DAG1: variants seen among roughly 807,000 people sequenced by gnomAD.
DAG1 encodes the protein dystroglycan 1 (dystrophin-associated glycoprotein 1).
A neutral mutation model predicts 46.1 loss-of-function variants in DAG1; 8 were observed. The observed-to-expected ratio is 0.17, with a 90% CI of 0.10 to 0.31. DAG1 has a LOEUF of 0.31. Among genes scored for constraint, DAG1 ranks in the 10% least tolerant of loss-of-function variants. DAG1 has a pLI of 1.00. For synonymous variants in DAG1, 495 were observed against 481.8 expected (o/e 1.03, Z -0.36); for missense variants, 1,003 against 1,189.9 (o/e 0.84, Z 2.31).
At chr3:49,483,168 T>A (rs1416738478) in intron 1 of DAG1, among the ~76,000 whole-genome samples, 1 of 152,004 alleles carries the variant, frequency 6.6e-6, no homozygotes, top group Non-Finnish European at 1.5e-5. Flanking sequence ...GTAAATGTCC[T>A]GTAAACACTC....
intron 1 of DAG1, among the ~76,000 whole-genome samples, chr3:49,485,129 G>A (rs959110247): frequency 1.3e-5 from 2 of 151,934 alleles, no homozygotes; most frequent in African/African-American, 4.8e-5. Flanking sequence ...TGGGACTACA[G>A]GCATCTGCCA....
chr3:49,511,934 A>G (rs1373111758), intron 2 of DAG1, among the ~76,000 whole-genome samples: 1 of 152,238 alleles, frequency 6.6e-6, no homozygotes, highest in Admixed American at 6.5e-5. Context: ...ATAAAACTTT[A>G]CGGTGGATAC....
chr3:49,480,263 ATTTCT>A (rs1247243619), intron 1 of DAG1, among the ~76,000 whole-genome samples: 5 of 101,726 alleles, frequency 4.9e-5, no homozygotes, highest in African/African-American at 1.8e-4. Context: ...TGAATATAAC[ATTTCT>A]TTTTTTTTTT....
chr3:49,478,040 G>T lies in DAG1; in HGVS notation c.-117+7607G>T, dbSNP rs1261392844. On this transcript the variant is annotated intron_variant, in intron 1 of 2. Transcript: ENST00000308775. Reference sequence around the variant, plus strand: ...CCAGCACTTTGGGAGGCCGAGGCGGGTACATCATTTTAGGTCAGGAGTCCA... The same window carrying T: ...CCAGCACTTTGGGAGGCCGAGGCGGTTACATCATTTTAGGTCAGGAGTCCA... Among the ~76,000 whole-genome samples the T allele has an allele frequency of 2.7e-5, 4 of 150,912 alleles. No individual in the cohort carries two copies. In the South Asian group the frequency reaches 6.3e-4, roughly 24 times the overall value.
In DAG1 at chr3:49,474,785, T is replaced by C. The variant is rs1575332945; in HGVS notation, c.-117+4352T>C. 2.0e-5 allele frequency among the ~76,000 whole-genome samples: 3 copies of C among 150,352 alleles called. No homozygotes were observed. In the South Asian group the frequency reaches 6.3e-4, roughly 32 times the overall value. On this transcript the variant is annotated intron_variant, in intron 1 of 2. Coordinates refer to ENST00000308775, the MANE Select transcript of DAG1 (RefSeq NM_004393.6). ...AGCCTGAGCCACCATGCCTGGCCTTTTTTTTAAAATTAATTAATTAATTAG... is the reference window on the plus strand; with the variant it reads ...AGCCTGAGCCACCATGCCTGGCCTTCTTTTTAAAATTAATTAATTAATTAG...
At chr3:49,497,727 C>T (rs566136157) in intron 1 of DAG1, among the ~76,000 whole-genome samples, 3 of 152,146 alleles carry the variant, frequency 2.0e-5, no homozygotes, top group Admixed American at 6.5e-5. Flanking sequence ...TAATGTTTAA[C>T]GCAGTGTATG....
chr3:49,503,842 A>C (rs935567482), intron 1 of DAG1, among the ~76,000 whole-genome samples: 1 of 150,038 alleles, frequency 6.7e-6, no homozygotes, highest in Non-Finnish European at 1.5e-5. Flanking sequence ...AAAAAAAAAG[A>C]AAAAAGAAAT....
chr3:49,514,380 G>A lies in DAG1; in HGVS notation c.285+3561G>A, dbSNP rs186902296. Among the ~76,000 whole-genome samples, 193 of 152,234 alleles carry A rather than the reference G, an allele frequency of 1.3e-3. 1 individual carries two copies. Among genetic ancestry groups the A allele is most frequent in the African/African-American group, 4.2e-3 (174 of 41,524 alleles). Reference sequence around the variant, plus strand: ...ACCATTCAGAGTGAAGTCCTCTACCGTTTTCTATGCTCATCAAGAGATGGT... The same window carrying A: ...ACCATTCAGAGTGAAGTCCTCTACCATTTTCTATGCTCATCAAGAGATGGT... On this transcript the variant is annotated intron_variant, in intron 2 of 2. Coordinates refer to ENST00000308775, the MANE Select transcript of DAG1 (RefSeq NM_004393.6).
At chr3:49,525,378 GTAATT>G (rs1476711353) in intron 2 of DAG1, among the ~76,000 whole-genome samples, 2 of 152,108 alleles carry the variant, frequency 1.3e-5, no homozygotes, top group Non-Finnish European at 2.9e-5. Flanking sequence ...CCTGAGACTG[GTAATT>G]TATAGAGAAA....
intron 1 of DAG1, among the ~76,000 whole-genome samples, chr3:49,472,118 C>G (rs1047165753): frequency 6.6e-6 from 1 of 152,100 alleles, no homozygotes; most frequent in Non-Finnish European, 1.5e-5. Flanking sequence ...TCTGGGGAGC[C>G]TTTTAATCAG....
chr3:49,492,704 G>T (rs2050220220), intron 1 of DAG1: 1 of 152,124 alleles, frequency 6.6e-6, no homozygotes, highest in Non-Finnish European at 1.5e-5. Flanking sequence ...TATCAAAAGG[G>T]TGCTGTTATA....
At chr3:49,492,510 G>A (rs2050216192) in intron 1 of DAG1, among the ~76,000 whole-genome samples, 1 of 152,068 alleles carries the variant, frequency 6.6e-6, no homozygotes, top group Non-Finnish European at 1.5e-5. Context: ...GCCAAGTGTG[G>A]TGGTGCCATG....
In DAG1 at chr3:49,533,327, C is replaced by CA; in HGVS notation, c.*129dup. The stretch of plus-strand genomic sequence containing the variant: ...CGACACCTGACCTAGCACACACTGA[C>CA]ACAGGGGCCTGGACAAGCCCGCCCT... On this transcript the variant is annotated 3_prime_UTR_variant, in exon 3 of 3. Coordinates refer to ENST00000308775, the MANE Select transcript of DAG1 (RefSeq NM_004393.6). The CA allele has an allele frequency of 7.1e-7, 1 of 1,404,996 alleles. No homozygotes were observed. The highest frequency in any genetic ancestry group is 9.8e-7 in the Non-Finnish European group (1 of 1,025,454). The allele number at this position is 1,404,996 out of a possible 1,614,324, so 87.0% of individuals were successfully genotyped here.
chr3:49,493,036 C>CTTTTTTTTTTTTT (rs55708660), intron 1 of DAG1: 100 of 86,358 alleles, frequency 1.2e-3, no homozygotes, highest in Non-Finnish European at 1.3e-3. Flanking sequence ...TATTTTTATT[C>CTTTTTTTTTTTTT]TTTTTTTTTT....
chr3:49,494,765 G>A (rs2050269064), intron 1 of DAG1, among the ~76,000 whole-genome samples: 1 of 148,726 alleles, frequency 6.7e-6, no homozygotes, highest in African/African-American at 2.5e-5. Flanking sequence ...TTCCCGAGTA[G>A]CTGGGACTAC....
chr3:49,515,689 C>G (rs890832314), intron 2 of DAG1, among the ~76,000 whole-genome samples: 3 of 152,052 alleles, frequency 2.0e-5, no homozygotes, highest in Non-Finnish European at 4.4e-5. Context: ...CCAGCCTGCC[C>G]ACTATTCTTG....
chr3:49,497,480 G>T (rs2050345850), intron 1 of DAG1, among the ~76,000 whole-genome samples: 1 of 151,502 alleles, frequency 6.6e-6, no homozygotes, highest in South Asian at 2.1e-4. Flanking sequence ...CAGGCATGGT[G>T]CTGTGAACCA....
At chr3:49,501,689 T>G (rs1402044780) in intron 1 of DAG1, among the ~76,000 whole-genome samples, 1 of 151,972 alleles carries the variant, frequency 6.6e-6, no homozygotes, top group Admixed American at 6.6e-5. Context: ...GGCAGGTGCT[T>G]GTAGTCCCAG....
chr3:49,472,731 C>T (rs938443967), intron 1 of DAG1, among the ~76,000 whole-genome samples: 4 of 151,864 alleles, frequency 2.6e-5, no homozygotes, highest in Admixed American at 1.3e-4. Flanking sequence ...GGCGTGAACC[C>T]GGGAGGCGGA....
Sources: allele counts gnomAD v4.1 joint callset (sites outside exome capture counted in the v4.1 genomes callset), GRCh38; gene constraint gnomAD v4.1.1; transcripts MANE v1.5; gene names NCBI Gene and HGNC (gene_info 2026-07-23, HGNC 2026-07-21).